Variants in PSMA1 observed in about 807,000 individuals in gnomAD.
PSMA1 encodes proteasome subunit alpha type-1.
A neutral mutation model predicts 38.4 loss-of-function variants in PSMA1; 3 were observed. The observed-to-expected ratio is 0.08, with a 90% CI of 0.04 to 0.20. The LOEUF is 0.20. Among genes scored for constraint, PSMA1 ranks in the 10% least tolerant of loss-of-function variants. The probability of loss-of-function intolerance (pLI) is 1.00; values close to 1 mark genes in which losing one functional copy is unlikely to be tolerated. For synonymous variants in PSMA1, 101 were observed against 107.1 expected (o/e 0.94, Z 0.35); for missense variants, 227 against 325.3 (o/e 0.70, Z 2.32).
upstream of PSMA1, among the ~76,000 whole-genome samples, chr11:14,522,433 T>C (rs925755263): frequency 3.9e-5 from 6 of 152,206 alleles, no homozygotes; most frequent in Non-Finnish European, 8.8e-5. Flanking sequence ...TTTACAGTTA[T>C]GATAAATATG....
intron 1 of PSMA1, among the ~76,000 whole-genome samples, chr11:14,617,508 G>A (rs1360460208): frequency 3.3e-5 from 5 of 152,088 alleles, no homozygotes; most frequent in African/African-American, 1.2e-4. Context: ...AAATGAAAGA[G>A]TGAATAGACA....
chr11:14,640,452 G>T (rs1031106478), intron 1 of PSMA1, among the ~76,000 whole-genome samples: 5 of 152,176 alleles, frequency 3.3e-5, no homozygotes, highest in African/African-American at 1.2e-4. Flanking sequence ...CTATCTCCCA[G>T]ATAAAGCTGC....
At chr11:14,642,268 TC>T (rs1403759086) in intron 1 of PSMA1, among the ~76,000 whole-genome samples, 4 of 152,232 alleles carry the variant, frequency 2.6e-5, no homozygotes, top group African/African-American at 9.6e-5. Flanking sequence ...ACTTTAATCT[TC>T]AACTGGTGGT....
At chr11:14,587,236 C>T (rs1852358241) in intron 2 of PSMA1, among the ~76,000 whole-genome samples, 1 of 152,178 alleles carries the variant, frequency 6.6e-6, no homozygotes. Context: ...ATGAGAGGCA[C>T]CACAGGAGGA....
At chr11:14,545,072 T>TA (rs1415265575) in intron 2 of PSMA1, among the ~76,000 whole-genome samples, 1 of 152,170 alleles carries the variant, frequency 6.6e-6, no homozygotes, top group African/African-American at 2.4e-5. Flanking sequence ...TCTGTGGTGA[T>TA]AAAAAATGCT....
rs548033015 is a variant in PSMA1, at chr11:14,509,680, C to T, written c.624+1192G>A. 7.7e-4 allele frequency among the ~76,000 whole-genome samples: 115 copies of T among 150,248 alleles called. No homozygotes were observed. In the Middle Eastern group the frequency reaches 0.01, roughly 14 times the overall value. ...CCTCCCAAAGTGTTGGGATTACAGGCGTGAGCCACTGCGGCTGGCCCACAA... is the reference window on the plus strand; with the variant it reads ...CCTCCCAAAGTGTTGGGATTACAGGTGTGAGCCACTGCGGCTGGCCCACAA... On this transcript the variant is annotated intron_variant, in intron 8 of 9. Transcript: ENST00000396394.
chr11:14,564,263 T>C (rs1230074981), intron 2 of PSMA1, among the ~76,000 whole-genome samples: 1 of 152,194 alleles, frequency 6.6e-6, no homozygotes, highest in East Asian at 1.9e-4. Context: ...TATAATTTTG[T>C]CATCTGAAGA....
At chr11:14,596,789 G>C (rs920869889) in intron 2 of PSMA1, among the ~76,000 whole-genome samples, 1 of 152,186 alleles carries the variant, frequency 6.6e-6, no homozygotes, top group Non-Finnish European at 1.5e-5. Context: ...ATGTTGAATA[G>C]GAGTGGTGAG....
intron 8 of PSMA1, among the ~76,000 whole-genome samples, chr11:14,508,561 C>CAAAAAAAAAACAAAAAAA (rs1851285397): frequency 2.1e-5 from 1 of 47,120 alleles, no homozygotes; most frequent in Non-Finnish European, 3.6e-5. Flanking sequence ...CACTCCATCT[C>CAAAAAAAAAACAAAAAAA]AAAAAAAAAA....
chr11:14,505,160 T>G lies in PSMA1; in HGVS notation c.*32A>C. The stretch of plus-strand genomic sequence containing the variant: ...TATGTGGTGCCTGTATTCTTACATA[T>G]TTGATAATACATATATAGACTGGCT... On this transcript the variant is annotated 3_prime_UTR_variant, in exon 10 of 10. Coordinates refer to ENST00000396394, the MANE Select transcript of PSMA1 (RefSeq NM_002786.4). The G allele has an allele frequency of 6.4e-7, 1 of 1,574,534 alleles. No individual in the cohort carries two copies. Among genetic ancestry groups the G allele is most frequent in the Non-Finnish European group, 8.7e-7 (1 of 1,144,158 alleles).
chr11:14,629,512 G>C (rs967890107), intron 1 of PSMA1, among the ~76,000 whole-genome samples: 2 of 151,416 alleles, frequency 1.3e-5, no homozygotes, highest in African/African-American at 4.8e-5. Flanking sequence ...GCTCTGTTCT[G>C]TTCCATTGAT....
At chr11:14,512,478 T>C (rs980676948) in intron 7 of PSMA1, among the ~76,000 whole-genome samples, 1 of 152,200 alleles carries the variant, frequency 6.6e-6, no homozygotes, top group East Asian at 1.9e-4. Flanking sequence ...CCCAAAATTA[T>C]CTATAGATTT....
intron 2 of PSMA1, among the ~76,000 whole-genome samples, chr11:14,595,678 T>C (rs950629506): frequency 2.6e-5 from 4 of 152,240 alleles, no homozygotes; most frequent in East Asian, 1.9e-4. Flanking sequence ...AAAAATTTTC[T>C]CCCATTCTGT....
chr11:14,586,767 TTTC>T (rs1463658314), intron 2 of PSMA1, among the ~76,000 whole-genome samples: 2 of 151,978 alleles, frequency 1.3e-5, no homozygotes, highest in Non-Finnish European at 2.9e-5. Context: ...TCTTTCTTTC[TTTC>T]TTTTTTTTTT....
chr11:14,512,538 G>A, intron 7 of PSMA1, among the ~76,000 whole-genome samples: 1 of 152,180 alleles, frequency 6.6e-6, no homozygotes, highest in African/African-American at 2.4e-5. Flanking sequence ...GCTAGGCAGA[G>A]GGTGCTGATA....
intron 2 of PSMA1, among the ~76,000 whole-genome samples, chr11:14,537,194 G>A (rs1345528569): frequency 6.6e-6 from 1 of 152,114 alleles, no homozygotes; most frequent in Non-Finnish European, 1.5e-5. Flanking sequence ...GAATTTCAGT[G>A]GCAAACTAAG....
At chr11:14,551,772 C>G (rs558300323) in intron 2 of PSMA1, among the ~76,000 whole-genome samples, 1 of 152,290 alleles carries the variant, frequency 6.6e-6, no homozygotes, top group Admixed American at 6.5e-5. Context: ...TAAGGAGGAT[C>G]ATGAAAGTCT....
intron 1 of PSMA1, among the ~76,000 whole-genome samples, chr11:14,627,621 A>G (rs1451642883): frequency 6.6e-6 from 1 of 152,100 alleles, no homozygotes; most frequent in African/African-American, 2.4e-5. Context: ...CTTAATCTCA[A>G]TTGTCCCATG....
At chr11:14,514,103 A>T in intron 5 of PSMA1, 1 of 1,320,542 alleles carries the variant, frequency 7.6e-7, no homozygotes, top group Non-Finnish European at 9.6e-7. Flanking sequence ...ATTTCTTCCC[A>T]TCTAAAACCT....
Sources: allele counts gnomAD v4.1 joint callset (sites outside exome capture counted in the v4.1 genomes callset), GRCh38; gene constraint gnomAD v4.1.1; transcripts MANE v1.5; gene names NCBI Gene and HGNC (gene_info 2026-07-23, HGNC 2026-07-21).